RANBP10: variants seen among roughly 807,000 people sequenced by gnomAD.
RANBP10 encodes ran-binding protein 10.
A neutral mutation model predicts 72.8 loss-of-function variants in RANBP10; 24 were observed. That is an observed-to-expected ratio of 0.33 (90% CI 0.24 to 0.46). The LOEUF is 0.46. RANBP10 is among the 20% of genes least tolerant of loss of function. The pLI is 1.00. For missense variants in RANBP10, 679 were observed against 817.5 expected, an observed-to-expected ratio of 0.83 and a Z score of 2.07; for synonymous variants, 310 against 322.3, an observed-to-expected ratio of 0.96 and a Z score of 0.41.
rs565474596 is a variant in RANBP10 at position 67,785,160 on chromosome 16, C to T, written c.348-13074G>A. On this transcript the variant is annotated intron_variant, in intron 2 of 13. Transcript: ENST00000317506. ...CCTGGAAGAGGAGGTTGCAGTGAGC[C>T]GAGATCGTGCCACTGCATTCCATCC... 3.3e-5 allele frequency among the ~76,000 whole-genome samples: 5 copies of T among 151,072 alleles called. No homozygotes were observed. The East Asian group carries it at 9.8e-4, about 30-fold the overall frequency.
intron 2 of RANBP10, among the ~76,000 whole-genome samples, chr16:67,780,606 G>A (rs2054793198): frequency 6.6e-6 from 1 of 152,146 alleles, no homozygotes. Context: ...AAAGGGTACA[G>A]CTGATCAAAC....
At chr16:67,771,465 C>T (rs2054606539) in intron 3 of RANBP10, among the ~76,000 whole-genome samples, 1 of 152,004 alleles carries the variant, frequency 6.6e-6, no homozygotes, top group Non-Finnish European at 1.5e-5. Flanking sequence ...CCTGCCTCTG[C>T]CTCCCAAGTA....
At position 67,784,428 on chromosome 16, in the gene RANBP10, G is replaced by A. The variant is rs78589543; in HGVS notation, c.348-12342C>T. 3.4e-4 allele frequency among the ~76,000 whole-genome samples: 52 copies of A among 152,292 alleles called. No individual in the cohort carries two copies. In the Middle Eastern group the frequency reaches 0.017, roughly 50 times the overall value. ...TCCCAGCACTTTGGGAGGCCAAGGC[G>A]GGAGGATCACCTGAGGTTGGGAGTT... On this transcript the variant is annotated intron_variant, in intron 2 of 13. Transcript: ENST00000317506.
At chr16:67,737,863 C>A in intron 5 of RANBP10, 150 bp downstream of exon 5, 3 of 1,035,196 alleles carry the variant, frequency 2.9e-6, no homozygotes, top group South Asian at 1.4e-5. Flanking sequence ...AGCAAGTGCC[C>A]CTCCTGGTAC....
chr16:67,780,921 G>A (rs1426613907), intron 2 of RANBP10, among the ~76,000 whole-genome samples: 1 of 152,244 alleles, frequency 6.6e-6, no homozygotes, highest in Non-Finnish European at 1.5e-5. Context: ...TGGCATTGAT[G>A]CCACGCACAC....
chr16:67,736,399 G>T (rs1020579707), intron 5 of RANBP10, among the ~76,000 whole-genome samples: 1 of 152,192 alleles, frequency 6.6e-6, no homozygotes, highest in Non-Finnish European at 1.5e-5. Context: ...AACCTCAGGT[G>T]ATCTGCCCAC....
Position 67,729,163 on chromosome 16 carries a change from G to A in RANBP10, c.1352+117C>T. 3 of 1,514,650 alleles carry A rather than the reference G, an allele frequency of 2.0e-6. No homozygotes were observed. Among genetic ancestry groups the A allele is most frequent in the Non-Finnish European group, 1.8e-6 (2 of 1,130,596 alleles). The allele number at this position is 1,514,650 out of a possible 1,614,324, so 93.8% of individuals were successfully genotyped here. ...CGGTGGGCCAAAAATTAGGACTCCA[G>A]GCACAGACCTGAGATGGAGGCTGGG... On this transcript the variant is annotated intron_variant, in intron 10 of 13. Transcript: ENST00000317506. This position sits in a 1 kb window ranked among gnomAD's most constrained non-coding sequence, Gnocchi z 7.1.
chr16:67,771,883 G>T, intron 3 of RANBP10, 151 bp downstream of exon 3: 3 of 834,554 alleles, frequency 3.6e-6, no homozygotes, highest in African/African-American at 1.7e-5. Context: ...CTGGCCCAAG[G>T]GCTACCTTTC....
chr16:67,757,447 T>C (rs2054306689), intron 3 of RANBP10, among the ~76,000 whole-genome samples: 1 of 152,116 alleles, frequency 6.6e-6, no homozygotes, highest in Non-Finnish European at 1.5e-5. Flanking sequence ...ATGTCACTCT[T>C]GAGGCTGGCT....
At chr16:67,754,718 T>C (rs2054257056) in intron 3 of RANBP10, among the ~76,000 whole-genome samples, 1 of 152,210 alleles carries the variant, frequency 6.6e-6, no homozygotes, top group Non-Finnish European at 1.5e-5. Flanking sequence ...AGAAAGAGAC[T>C]GTAGCCCTGG....
intron 3 of RANBP10, among the ~76,000 whole-genome samples, chr16:67,747,673 T>G (rs1441894415): frequency 3.3e-5 from 5 of 151,906 alleles, no homozygotes; most frequent in Admixed American, 1.3e-4. Context: ...GCAGGCTAAT[T>G]TTTGTATTTT....
At chr16:67,762,881 G>C (rs1046232608) in intron 3 of RANBP10, among the ~76,000 whole-genome samples, 3 of 152,230 alleles carry the variant, frequency 2.0e-5, no homozygotes, top group Non-Finnish European at 4.4e-5. Context: ...AATCCAGTGA[G>C]GACACTCTGG....
At chr16:67,784,022 G>T (rs2054861766) in intron 2 of RANBP10, among the ~76,000 whole-genome samples, 1 of 131,030 alleles carries the variant, frequency 7.6e-6, no homozygotes, top group Admixed American at 9.3e-5. Context: ...CAGCCTGAGT[G>T]ACAGAGAGAG....
chr16:67,805,937 G>A (rs2055400921), intron 1 of RANBP10, among the ~76,000 whole-genome samples: 1 of 152,248 alleles, frequency 6.6e-6, no homozygotes, highest in African/African-American at 2.4e-5. Flanking sequence ...GGCAGGTGGG[G>A]AAGCCCATGA....
At chr16:67,787,910 C>T (rs1448604948) in intron 2 of RANBP10, among the ~76,000 whole-genome samples, 1 of 152,098 alleles carries the variant, frequency 6.6e-6, no homozygotes, top group African/African-American at 2.4e-5. Flanking sequence ...GCGATCTTGG[C>T]TCACTGCAAC....
At chr16:67,765,263 A>G (rs1427003861) in intron 3 of RANBP10, among the ~76,000 whole-genome samples, 1 of 151,008 alleles carries the variant, frequency 6.6e-6, no homozygotes, top group Non-Finnish European at 1.5e-5. Context: ...GCAGTAGCTC[A>G]CACCTGTAAT....
intron 2 of RANBP10, among the ~76,000 whole-genome samples, chr16:67,791,831 G>A (rs1246878578): frequency 2.6e-5 from 4 of 152,176 alleles, no homozygotes. Flanking sequence ...GGTCTGAAAT[G>A]AGGGCTAATA....
rs1393813072 is a variant in RANBP10, at chr16:67,729,203, C to T, written c.1352+77G>A. 47 of 1,561,070 alleles carry T rather than the reference C, an allele frequency of 3.0e-5. No homozygotes were observed. The highest frequency in any genetic ancestry group is 4.1e-5 in the African/African-American group (3 of 73,548). The stretch of plus-strand genomic sequence containing the variant: ...TGGAGGCTGGGGGTGAAGGGCAGGG[C>T]GCTCAAAGGACAGACTGCAATGGGC... On this transcript the variant is annotated intron_variant, in intron 10 of 13. Transcript: ENST00000317506. The surrounding 1 kb of genome is among the most constrained non-coding windows in gnomAD (Gnocchi z 7.1).
Position 67,765,199 on chromosome 16 carries a change from C to CAA in RANBP10, c.400+6833_400+6834dup, listed in dbSNP as rs569942198. Among the ~76,000 whole-genome samples, 53 of 11,616 alleles carry CAA rather than the reference C, an allele frequency of 4.6e-3. 3 individuals carry two copies. Among genetic ancestry groups the CAA allele is most frequent in the Non-Finnish European group, 7.6e-3 (35 of 4,598 alleles). The allele number at this position is 11,616 out of a possible 152,430, so 7.6% of individuals were successfully genotyped here. ...TGGGTGACAGAGCAAGACTCCATCT[C>CAA]AAAAAAAAAAAAAAAAAAAAAAAAA... On this transcript the variant is annotated intron_variant, in intron 3 of 13. Transcript: ENST00000317506.
Sources: gnomAD v4.1 joint callset for allele counts (sites outside exome capture counted in the v4.1 genomes callset) on GRCh38, gnomAD v4.1.1 for gene constraint, Gnocchi (gnomAD v3.1) non-coding constraint, MANE v1.5 for transcripts, NCBI Gene and HGNC (gene_info 2026-07-23, HGNC 2026-07-21) for gene names.